SUMF1: variants seen among roughly 807,000 people sequenced by gnomAD.
SUMF1 encodes formylglycine-generating enzyme.
SUMF1 carries 48 observed loss-of-function variants against 47.6 expected under a neutral mutation model. That is an observed-to-expected ratio of 1.01 (90% CI 0.80 to 1.28). The LOEUF (loss-of-function observed/expected upper bound fraction) is 1.28. Among genes scored for constraint, SUMF1 ranks in the 50% most tolerant of loss-of-function variants. The pLI is 0.00. For synonymous variants in SUMF1, 230 were observed against 192.1 expected (o/e 1.20, Z -1.63); for missense variants, 571 against 485.4 (o/e 1.18, Z -1.66).
At chr3:4,436,021 T>A (rs1339613259) in intron 3 of SUMF1, among the ~76,000 whole-genome samples, 1 of 152,176 alleles carries the variant, frequency 6.6e-6, no homozygotes, top group Non-Finnish European at 1.5e-5. Context: ...GTGATGCACA[T>A]CGATAATCCC....
chr3:4,113,539 C>A (rs1296053433), intron 8 of SUMF1, among the ~76,000 whole-genome samples: 2 of 151,558 alleles, frequency 1.3e-5, no homozygotes, highest in Non-Finnish European at 2.9e-5. Flanking sequence ...CCCCCACCCC[C>A]AAAAAAGAAA....
intron 8 of SUMF1, among the ~76,000 whole-genome samples, chr3:4,151,524 T>C (rs1329660801): frequency 1.5e-5 from 2 of 134,464 alleles, no homozygotes; most frequent in Non-Finnish European, 1.6e-5. Context: ...TACGTATATA[T>C]GTATATATGT....
intron 8 of SUMF1, among the ~76,000 whole-genome samples, chr3:4,368,314 A>G (rs1191404810): frequency 1.3e-5 from 2 of 152,168 alleles, no homozygotes; most frequent in Non-Finnish European, 2.9e-5. Context: ...TTAGAATGGC[A>G]ATCATTAAAA....
intron 8 of SUMF1, among the ~76,000 whole-genome samples, chr3:4,244,132 C>G (rs2125000561): frequency 6.6e-6 from 1 of 152,226 alleles, no homozygotes. Flanking sequence ...TCCTCCATCC[C>G]TTTATTTTGA....
chr3:4,345,861 CA>C (rs945658169), intron 8 of SUMF1, among the ~76,000 whole-genome samples: 1 of 148,006 alleles, frequency 6.8e-6, no homozygotes, highest in Admixed American at 6.7e-5. Context: ...AAATGGAAAG[CA>C]AAAAAAAAGC....
chr3:4,283,911 C>T (rs898693081), intron 8 of SUMF1, among the ~76,000 whole-genome samples: 1 of 152,118 alleles, frequency 6.6e-6, no homozygotes, highest in Non-Finnish European at 1.5e-5. Flanking sequence ...TATGGGATCT[C>T]TCAGGGGCCT....
intron 4 of SUMF1, among the ~76,000 whole-genome samples, chr3:4,419,739 G>A (rs1206445068): frequency 6.6e-6 from 1 of 152,074 alleles, no homozygotes; most frequent in Non-Finnish European, 1.5e-5. Context: ...GCTAATAATG[G>A]AAACAGAATG....
chr3:4,037,969 G>A (rs1694831767), intron 9 of SUMF1, among the ~76,000 whole-genome samples: 1 of 152,098 alleles, frequency 6.6e-6, no homozygotes, highest in South Asian at 2.1e-4. Flanking sequence ...GATCCAATAG[G>A]TGGCACTTAG....
At chr3:4,265,256 G>T (rs751203785) in intron 8 of SUMF1, among the ~76,000 whole-genome samples, 1 of 151,368 alleles carries the variant, frequency 6.6e-6, no homozygotes, top group East Asian at 1.9e-4. Context: ...TTCTGCTCAT[G>T]TTTTCTAAGA....
At chr3:4,398,218 T>A (rs1290549909) in intron 7 of SUMF1, among the ~76,000 whole-genome samples, 2 of 152,146 alleles carry the variant, frequency 1.3e-5, no homozygotes, top group South Asian at 4.1e-4. Context: ...TCTTTTAACA[T>A]CTGCAAGCTC....
intron 8 of SUMF1, among the ~76,000 whole-genome samples, chr3:4,238,632 T>A (rs1324977279): frequency 2.0e-5 from 3 of 152,186 alleles, no homozygotes; most frequent in African/African-American, 7.2e-5. Flanking sequence ...TTTCTTTTTT[T>A]CTCATAAATT....
chr3:4,249,296 T>C lies in SUMF1; in HGVS notation c.1014+127034A>G, dbSNP rs75591358. ...TCTTATTTTATTCTGCTTCACTTTA[T>C]TGTGTTTCACAGATATTTCATTGTT... On this transcript the variant is annotated intron_variant and NMD_transcript_variant, in intron 8 of 12. Coordinates refer to the SUMF1 transcript ENST00000448413. Among the ~76,000 whole-genome samples, 830 of 152,312 alleles carry C rather than the reference T, an allele frequency of 5.4e-3. 7 individuals carry two copies. The highest frequency in any genetic ancestry group is 0.018 in the African/African-American group (755 of 41,574).
At chr3:4,318,611 G>A (rs1698746890) in intron 8 of SUMF1, among the ~76,000 whole-genome samples, 2 of 152,182 alleles carry the variant, frequency 1.3e-5, no homozygotes, top group Non-Finnish European at 2.9e-5. Flanking sequence ...AGGCAGGTAA[G>A]AACTTAAAAC....
rs567205880 is a variant in SUMF1, at chr3:4,466,966, G to C, written c.270+10C>G. On this transcript the variant is annotated intron_variant, in intron 1 of 8. Coordinates refer to ENST00000272902, the MANE Select transcript of SUMF1 (RefSeq NM_182760.4). ...AGCCCCCACCCGCCTCGGAGGAATC[G>C]ATGGAGCACCTTTGAGTGCGCGAGT... 67 of 1,604,804 alleles carry C rather than the reference G, an allele frequency of 4.2e-5. No homozygotes were observed. Among genetic ancestry groups the C allele is most frequent in the South Asian group, 1.6e-4 (14 of 89,714 alleles).
intron 8 of SUMF1, among the ~76,000 whole-genome samples, chr3:4,275,688 G>A (rs1697399863): frequency 6.6e-6 from 1 of 152,204 alleles, no homozygotes; most frequent in African/African-American, 2.4e-5. Context: ...CTGGGGAGAA[G>A]AGATGGATGT....
chr3:4,357,044 C>T (rs1440564138), downstream of SUMF1, among the ~76,000 whole-genome samples: 1 of 152,102 alleles, frequency 6.6e-6, no homozygotes. Context: ...ACCTTAAAGT[C>T]GACTGATGGA....
intron 8 of SUMF1, among the ~76,000 whole-genome samples, chr3:4,351,278 T>G (rs4685742): frequency 6.6e-6 from 1 of 152,128 alleles, no homozygotes. Context: ...CAGAAGCAAA[T>G]GTTGAGTTGG....
chr3:4,328,308 G>A (rs908346555), intron 8 of SUMF1, among the ~76,000 whole-genome samples: 38 of 152,112 alleles, frequency 2.5e-4, no homozygotes, highest in African/African-American at 8.9e-4. Context: ...ATGGAGAGGA[G>A]ACTCAGTTTC....
intron 8 of SUMF1, among the ~76,000 whole-genome samples, chr3:4,113,150 G>C (rs922353976): frequency 1.3e-5 from 2 of 152,082 alleles, no homozygotes; most frequent in African/African-American, 4.8e-5. Flanking sequence ...ATCAAGCCAA[G>C]GTACCTGGGG....
Sources: gnomAD v4.1 joint callset for allele counts (sites outside exome capture counted in the v4.1 genomes callset) on GRCh38, gnomAD v4.1.1 for gene constraint, MANE v1.5 for transcripts, NCBI Gene and HGNC (gene_info 2026-07-23, HGNC 2026-07-21) for gene names.